The following NDUFAF2 variants were observed in gnomAD, a reference collection of about 807,000 sequenced individuals.
NDUFAF2 encodes the protein NADH:ubiquinone oxidoreductase complex assembly factor 2, also known as NADH dehydrogenase [ubiquinone] 1 alpha subcomplex assembly factor 2.
A neutral mutation model predicts 22.8 loss-of-function variants in NDUFAF2; 13 were observed. The observed-to-expected ratio is 0.57, with a 90% confidence interval of 0.37 to 0.91. NDUFAF2 has a LOEUF of 0.91. Ranked by LOEUF, NDUFAF2 falls within the 40% of genes least tolerant of loss-of-function variation. The pLI, the probability that NDUFAF2 is intolerant of heterozygous loss-of-function variation, is 0.01. For missense variants in NDUFAF2, 162 were observed against 195.2 expected (o/e 0.83, Z 1.01); for synonymous variants, 53 against 64.2 (o/e 0.83, Z 0.84).
chr5:60,948,832 A>T (rs1750501641), intron 1 of NDUFAF2, among the ~76,000 whole-genome samples: 1 of 152,132 alleles, frequency 6.6e-6, no homozygotes, highest in Admixed American at 6.5e-5. Context: ...GGAATGGCTG[A>T]GTCAACTTGT....
At chr5:60,989,605 T>C (rs1030864153) in intron 1 of NDUFAF2, among the ~76,000 whole-genome samples, 3 of 152,150 alleles carry the variant, frequency 2.0e-5, no homozygotes, top group Non-Finnish European at 4.4e-5. Context: ...GCAACATGGA[T>C]GGAACTGAAG....
chr5:60,973,357 T>A (rs1218146409), intron 1 of NDUFAF2, among the ~76,000 whole-genome samples: 2 of 152,202 alleles, frequency 1.3e-5, no homozygotes, highest in African/African-American at 4.8e-5. Flanking sequence ...GCTTGCTTGT[T>A]TGTTTGTTTA....
chr5:61,099,373 A>G (rs1356338280), intron 3 of NDUFAF2, among the ~76,000 whole-genome samples: 1 of 151,448 alleles, frequency 6.6e-6, no homozygotes, highest in Non-Finnish European at 1.5e-5. Context: ...TCTCTGTGCC[A>G]ATACTCAAGC....
intron 1 of NDUFAF2, among the ~76,000 whole-genome samples, chr5:61,022,150 A>G (rs1751591039): frequency 2.0e-5 from 3 of 152,214 alleles, no homozygotes; most frequent in Non-Finnish European, 2.9e-5. Context: ...ACGTTTGTCC[A>G]GGAATCTGGG....
intron 1 of NDUFAF2, among the ~76,000 whole-genome samples, chr5:60,976,880 C>T (rs1271348986): frequency 6.6e-6 from 1 of 152,130 alleles, no homozygotes; most frequent in Non-Finnish European, 1.5e-5. Flanking sequence ...AGCAGTACAT[C>T]AAAACCAGGG....
At chr5:60,952,201 G>A (rs559794214) in intron 1 of NDUFAF2, among the ~76,000 whole-genome samples, 2 of 151,368 alleles carry the variant, frequency 1.3e-5, no homozygotes, top group South Asian at 4.2e-4. Flanking sequence ...TTTTCCATTG[G>A]TTTCAGAACT....
intron 3 of NDUFAF2, among the ~76,000 whole-genome samples, chr5:61,102,149 AC>A (rs1306746102): frequency 3.3e-5 from 5 of 152,174 alleles, no homozygotes; most frequent in African/African-American, 1.2e-4. Flanking sequence ...ACCATGTCAG[AC>A]TTTTTTGATA....
At chr5:61,045,539 A>G (rs955331811) in intron 1 of NDUFAF2, among the ~76,000 whole-genome samples, 2 of 151,522 alleles carry the variant, frequency 1.3e-5, no homozygotes, top group Admixed American at 6.6e-5. Flanking sequence ...GGGTCTCGCT[A>G]TTTTGTCCAG....
chr5:61,143,285 G>C (rs1353570869), intron 3 of NDUFAF2, among the ~76,000 whole-genome samples: 2 of 151,824 alleles, frequency 1.3e-5, no homozygotes, highest in Non-Finnish European at 2.9e-5. Context: ...TGTAGTCTAT[G>C]AAAAACATTT....
At chr5:61,022,690 G>C (rs148700079) in intron 1 of NDUFAF2, among the ~76,000 whole-genome samples, 3 of 152,310 alleles carry the variant, frequency 2.0e-5, no homozygotes, top group African/African-American at 7.2e-5. Context: ...TGTGGCCCAG[G>C]CTGGAGTGTA....
intron 1 of NDUFAF2, among the ~76,000 whole-genome samples, chr5:61,010,599 T>C (rs1751431537): frequency 6.6e-6 from 1 of 152,120 alleles, no homozygotes; most frequent in African/African-American, 2.4e-5. Flanking sequence ...TCATAGTTCT[T>C]TTTTGTACTT....
At chr5:60,998,520 C>T (rs1751256244) in intron 1 of NDUFAF2, among the ~76,000 whole-genome samples, 1 of 151,688 alleles carries the variant, frequency 6.6e-6, no homozygotes, top group Non-Finnish European at 1.5e-5. Flanking sequence ...TATTTTTATC[C>T]CATTAATAGG....
intron 3 of NDUFAF2, among the ~76,000 whole-genome samples, chr5:61,109,397 A>G (rs1752807305): frequency 6.6e-6 from 1 of 152,212 alleles, no homozygotes; most frequent in African/African-American, 2.4e-5. Context: ...GCCTACAAAC[A>G]AGGATAATTT....
At chr5:60,971,671 T>C (rs1171154634) in intron 1 of NDUFAF2, among the ~76,000 whole-genome samples, 4 of 146,318 alleles carry the variant, frequency 2.7e-5, no homozygotes, top group Non-Finnish European at 6.0e-5. Context: ...GTCCAAGTGT[T>C]CTCATTGTTC....
intron 1 of NDUFAF2, among the ~76,000 whole-genome samples, chr5:61,056,735 A>G (rs1221289092): frequency 6.6e-6 from 1 of 150,968 alleles, no homozygotes; most frequent in Non-Finnish European, 1.5e-5. Flanking sequence ...TAAAAATACA[A>G]ACATTAGCTG....
intron 3 of NDUFAF2, among the ~76,000 whole-genome samples, chr5:61,106,373 CATT>C (rs1300662471): frequency 6.6e-6 from 1 of 151,304 alleles, no homozygotes; most frequent in African/African-American, 2.5e-5. Flanking sequence ...GAGGATTAAA[CATT>C]ATTCACATAG....
intron 3 of NDUFAF2, among the ~76,000 whole-genome samples, chr5:61,101,738 A>T (rs985041690): frequency 1.3e-5 from 2 of 152,188 alleles, no homozygotes; most frequent in Non-Finnish European, 2.9e-5. Context: ...CAGTATTAGA[A>T]AACATAGAAT....
intron 3 of NDUFAF2, among the ~76,000 whole-genome samples, chr5:61,104,893 T>C (rs1579831829): frequency 6.6e-6 from 1 of 152,170 alleles, no homozygotes; most frequent in East Asian, 1.9e-4. Context: ...AAGGATAGTC[T>C]GACCCCTAGC....
intron 1 of NDUFAF2, among the ~76,000 whole-genome samples, chr5:60,983,842 C>G (rs1485474262): frequency 1.3e-5 from 2 of 152,088 alleles, no homozygotes; most frequent in African/African-American, 2.4e-5. Context: ...CATGATGCCT[C>G]CAGCTTTGTT....
Sources: gnomAD v4.1 joint callset for allele counts (sites outside exome capture counted in the v4.1 genomes callset) on GRCh38, gnomAD v4.1.1 for gene constraint, MANE v1.5 for transcripts, NCBI Gene and HGNC (gene_info 2026-07-23, HGNC 2026-07-21) for gene names.